The following TDRD1 variants were observed in gnomAD, a reference collection of about 807,000 sequenced individuals.
TDRD1 encodes tudor domain-containing protein 1.
TDRD1 carries 37 observed loss-of-function variants against 140.6 expected under a neutral mutation model. That is an observed-to-expected ratio of 0.26 (90% confidence interval 0.20 to 0.35). The LOEUF (loss-of-function observed/expected upper bound fraction) is 0.35. TDRD1 is among the 10% of genes least tolerant of loss of function. The probability of loss-of-function intolerance (pLI) is 1.00; values close to 1 mark genes in which losing one functional copy is unlikely to be tolerated. For synonymous variants in TDRD1, 506 were observed against 475.7 expected (o/e 1.06, Z -0.83); for missense variants, 1,243 against 1,393.0 (o/e 0.89, Z 1.71).
At chr10:114,177,855 A>T (rs1423290521), upstream of TDRD1, among the ~76,000 whole-genome samples, 1 of 132,686 alleles carries the variant, frequency 7.5e-6, no homozygotes, top group African/African-American at 2.9e-5. Context: ...TTTTTTTGAG[A>T]CAGTCTTGCT....
At chr10:114,178,255 G>T (rs1476403538), upstream of TDRD1, among the ~76,000 whole-genome samples, 1 of 152,320 alleles carries the variant, frequency 6.6e-6, no homozygotes, top group South Asian at 2.1e-4. Context: ...AGTTAGTGAA[G>T]TTAGTTTTAT....
chr10:114,227,480 C>A (rs914010300), intron 23 of TDRD1, among the ~76,000 whole-genome samples, 181 bp downstream of exon 23: 5 of 152,174 alleles, frequency 3.3e-5, no homozygotes, highest in Admixed American at 3.3e-4. Flanking sequence ...TGGAGGCAGT[C>A]CTCCGAGTCC....
At chr10:114,227,463 G>A (rs549182083) in intron 23 of TDRD1, among the ~76,000 whole-genome samples, 164 bp downstream of exon 23, 9 of 152,162 alleles carry the variant, frequency 5.9e-5, no homozygotes, top group African/African-American at 1.9e-4. Context: ...TGGGAGGGCC[G>A]CCTTGATGGA....
At chr10:114,206,148 G>A (rs188094662) in intron 10 of TDRD1, 96 bp from the exon 11 acceptor site, 18 of 879,440 alleles carry the variant, frequency 2.0e-5, no homozygotes, top group East Asian at 5.2e-5. Context: ...AGCTATGAAC[G>A]TGTGTTGTAT....
intron 25 of TDRD1, chr10:114,228,530 C>T (rs2036572214): frequency 2.0e-6 from 2 of 990,856 alleles, no homozygotes; most frequent in East Asian, 1.1e-4. Flanking sequence ...GCACTTTTTG[C>T]GAGGGGTATC....
At chr10:114,220,714 C>G (rs763795917) in exon 19 of TDRD1, 2 of 1,613,668 alleles carry the variant, frequency 1.2e-6, no homozygotes, top group East Asian at 2.2e-5. Context: ...CACTTGTTAT[C>G]CCAGAATAAT....
At chr10:114,192,462 G>T (rs1450547487) in intron 3 of TDRD1, among the ~76,000 whole-genome samples, 5 of 151,282 alleles carry the variant, frequency 3.3e-5, no homozygotes, top group African/African-American at 1.2e-4. Context: ...CCGCCACTAC[G>T]CCTGGCTAAT....
chr10:114,223,833 A>G (rs545895948), intron 21 of TDRD1, among the ~76,000 whole-genome samples: 4 of 152,242 alleles, frequency 2.6e-5, no homozygotes, highest in Middle Eastern at 6.8e-3. Context: ...CACAACATGT[A>G]CTTTCTCAAC....
chr10:114,194,401 T>C (rs2034193416), intron 3 of TDRD1, among the ~76,000 whole-genome samples: 1 of 152,174 alleles, frequency 6.6e-6, no homozygotes, highest in Non-Finnish European at 1.5e-5. Flanking sequence ...ATTCAAATTG[T>C]TTCATATTGT....
At chr10:114,197,550 C>T (rs371327864) in intron 3 of TDRD1, among the ~76,000 whole-genome samples, 2 of 150,064 alleles carry the variant, frequency 1.3e-5, no homozygotes, top group African/African-American at 2.5e-5. Flanking sequence ...TGATGTTGGG[C>T]GCTTGATTTT....
chr10:114,194,923 CTT>C (rs34458557), intron 3 of TDRD1, among the ~76,000 whole-genome samples: 1,528 of 132,446 alleles, frequency 0.012, 19 homozygotes, highest in African/African-American at 0.041. Context: ...CCACACCTGG[CTT>C]TTTTTTTTTT....
intron 13 of TDRD1, 33 bp downstream of exon 13, chr10:114,211,000 T>C: frequency 6.8e-7 from 1 of 1,478,110 alleles, no homozygotes; most frequent in Non-Finnish European, 9.2e-7. Flanking sequence ...TTTTAAAATT[T>C]ATTTTTATTT....
chr10:114,194,078 G>A (rs990665249), intron 3 of TDRD1, among the ~76,000 whole-genome samples: 11 of 152,162 alleles, frequency 7.2e-5, no homozygotes, highest in African/African-American at 2.4e-4. Flanking sequence ...TTATTTTTAT[G>A]TATTGCTGAG....
At chr10:114,220,992 T>G (rs1442580403) in intron 19 of TDRD1, 149 bp downstream of exon 19, 1 of 603,412 alleles carries the variant, frequency 1.7e-6, no homozygotes, top group Non-Finnish European at 2.9e-6. Flanking sequence ...TATTATTAAA[T>G]TATTGAACAA....
At chr10:114,225,975 C>A (rs769601143) in intron 21 of TDRD1, 74 bp from the exon 22 acceptor site, 22 of 1,277,296 alleles carry the variant, frequency 1.7e-5, no homozygotes, top group Non-Finnish European at 2.3e-5. Context: ...GTAAATATAA[C>A]TATGAATAGC....
exon 7 of TDRD1, chr10:114,203,112 G>T: frequency 6.2e-7 from 1 of 1,613,854 alleles, no homozygotes; most frequent in South Asian, 1.1e-5. Flanking sequence ...ATAGCCATTT[G>T]GGCTGAGAGA....
intron 11 of TDRD1, among the ~76,000 whole-genome samples, chr10:114,207,464 A>T (rs143492092): frequency 3.9e-5 from 6 of 152,116 alleles, no homozygotes; most frequent in African/African-American, 1.2e-4. Flanking sequence ...CAATTTTCCA[A>T]TGTCATAGTT....
intron 11 of TDRD1, among the ~76,000 whole-genome samples, chr10:114,209,521 T>A (rs1313726653): frequency 6.6e-6 from 1 of 152,268 alleles, no homozygotes; most frequent in East Asian, 1.9e-4. Flanking sequence ...TTGGAAACAT[T>A]TTAAGAAATG....
At position 114,226,221 on chromosome 10, in the gene TDRD1, A is replaced by T. The variant is rs370772492; in HGVS notation, c.3175+5A>T. 5.1e-5 allele frequency: 81 copies of T among 1,603,694 alleles called. No homozygotes were observed. The highest frequency in any genetic ancestry group is 6.5e-5 in the Non-Finnish European group (76 of 1,175,304). On this transcript the variant is annotated splice_donor_5th_base_variant and intron_variant, in intron 22 of 25. Transcript: ENST00000251864. Reference sequence around the variant, plus strand: ...TTATTAGATGTTCACTTGAAGGTAGACAGCTAAGTCACTTTCCAATTTAGG... The same window carrying T: ...TTATTAGATGTTCACTTGAAGGTAGTCAGCTAAGTCACTTTCCAATTTAGG...
Sources: gnomAD v4.1 joint callset for allele counts (sites outside exome capture counted in the v4.1 genomes callset) on GRCh38, gnomAD v4.1.1 for gene constraint, MANE v1.5 for transcripts, NCBI Gene and HGNC (gene_info 2026-07-23, HGNC 2026-07-21) for gene names.